Variants in CMIP observed in about 807,000 individuals in gnomAD.
The protein encoded by CMIP is C-Maf-inducing protein.
In CMIP, 13 loss-of-function variants were observed where a neutral mutation model predicts 97.3. The ratio of observed to expected loss-of-function variants is 0.13; its 90% confidence interval spans 0.09 to 0.21. CMIP has a LOEUF of 0.21. CMIP is among the 10% of genes least tolerant of loss of function. CMIP has a pLI of 1.00. For missense variants in CMIP, 847 were observed against 1,024.9 expected (o/e 0.83, Z 2.37); for synonymous variants, 538 against 436.3 (o/e 1.23, Z -2.91).
chr16:81,586,788 A>G (rs1217750490), intron 1 of CMIP, among the ~76,000 whole-genome samples: 1 of 151,968 alleles, frequency 6.6e-6, no homozygotes, highest in Non-Finnish European at 1.5e-5. Context: ...CTGACTCCCC[A>G]CTCAACTGTG....
chr16:81,668,318 G>T (rs1048792464), intron 7 of CMIP, among the ~76,000 whole-genome samples: 1 of 152,114 alleles, frequency 6.6e-6, no homozygotes, highest in African/African-American at 2.4e-5. Context: ...CAGCACCTCC[G>T]CAGCCCTGGC....
rs74910737 is a variant in CMIP, at chr16:81,678,635, GC to G, written c.1388+15del. ...TGGAAATCCTCAAGCTGCTGTGAGT[GC>G]CCCCCCCGCGTGCCCGCCCCCGGGG... On this transcript the variant is annotated splice_region_variant and intron_variant, in intron 10 of 20. Transcript: ENST00000537098. 3,757 of 1,368,622 alleles carry G rather than the reference GC, an allele frequency of 2.7e-3. 78 individuals carry two copies. The African/African-American group carries it at 0.043, about 16-fold the overall frequency. The allele number at this position is 1,368,622 out of a possible 1,614,324, so 84.8% of individuals were successfully genotyped here.
intron 1 of CMIP, among the ~76,000 whole-genome samples, chr16:81,473,820 T>G (rs1907714604): frequency 6.6e-6 from 1 of 151,656 alleles, no homozygotes; most frequent in African/African-American, 2.4e-5. Context: ...GGTTTTTTTT[T>G]TTTTTTTTTT....
chr16:81,521,923 C>G (rs1395729263), intron 1 of CMIP, among the ~76,000 whole-genome samples: 4 of 152,210 alleles, frequency 2.6e-5, no homozygotes, highest in African/African-American at 9.6e-5. Context: ...AGGCCAGTGT[C>G]TGATACAGTG....
At chr16:81,488,568 C>G (rs1239849523) in intron 1 of CMIP, among the ~76,000 whole-genome samples, 1 of 152,150 alleles carries the variant, frequency 6.6e-6, no homozygotes, top group Non-Finnish European at 1.5e-5. Flanking sequence ...ATATGCGTCT[C>G]CTGGGACTGC....
At chr16:81,537,559 A>C (rs1414502153) in intron 1 of CMIP, among the ~76,000 whole-genome samples, 5 of 149,958 alleles carry the variant, frequency 3.3e-5, no homozygotes, top group African/African-American at 7.3e-5. Context: ...AAAAAAAAAA[A>C]AAAAAAAAAA....
At chr16:81,640,713 C>G (rs1165046338) in intron 3 of CMIP, among the ~76,000 whole-genome samples, 2 of 150,634 alleles carry the variant, frequency 1.3e-5, no homozygotes, top group Non-Finnish European at 3.0e-5. Flanking sequence ...GGCTCTGCCT[C>G]CATACGTGGA....
intron 1 of CMIP, among the ~76,000 whole-genome samples, chr16:81,472,098 A>G (rs1907595681): frequency 6.6e-6 from 1 of 152,198 alleles, no homozygotes; most frequent in Non-Finnish European, 1.5e-5. Flanking sequence ...GCACATGCAC[A>G]TGTGCTCTCA....
At chr16:81,670,853 G>T (rs1013465842) in intron 8 of CMIP, among the ~76,000 whole-genome samples, 1 of 152,078 alleles carries the variant, frequency 6.6e-6, no homozygotes, top group Admixed American at 6.5e-5. Context: ...TTTTGAGATG[G>T]AGTCTCGCTC....
chr16:81,515,345 C>G (rs779661738), intron 1 of CMIP, among the ~76,000 whole-genome samples: 2 of 152,188 alleles, frequency 1.3e-5, no homozygotes, highest in Non-Finnish European at 2.9e-5. Context: ...GTTGTGGTCC[C>G]TCACGCTTCT....
intron 1 of CMIP, among the ~76,000 whole-genome samples, chr16:81,553,370 A>C (rs555729624): frequency 6.6e-5 from 10 of 152,250 alleles, no homozygotes; most frequent in Admixed American, 2.0e-4. Flanking sequence ...AAAAGCAACA[A>C]AGTTGAAAGC....
At chr16:81,543,312 T>C (rs1028802199) in intron 1 of CMIP, among the ~76,000 whole-genome samples, 10 of 152,220 alleles carry the variant, frequency 6.6e-5, no homozygotes, top group Non-Finnish European at 1.3e-4. Flanking sequence ...TGTCCAGTGC[T>C]ACACGGCAGC....
intron 1 of CMIP, among the ~76,000 whole-genome samples, chr16:81,477,074 T>C (rs186060040): frequency 2.0e-5 from 3 of 152,206 alleles, no homozygotes; most frequent in Admixed American, 2.0e-4. Flanking sequence ...CACCTGGGCA[T>C]ATGGTTGATG....
At chr16:81,696,300 C>A in intron 13 of CMIP, 1 of 556,714 alleles carries the variant, frequency 1.8e-6, no homozygotes, top group East Asian at 3.1e-5. Context: ...ATCAGCCAAT[C>A]AAGCCGGGGC....
chr16:81,617,906 T>G (rs2091941627), intron 2 of CMIP, among the ~76,000 whole-genome samples: 1 of 152,216 alleles, frequency 6.6e-6, no homozygotes, highest in Non-Finnish European at 1.5e-5. Flanking sequence ...ACAGGGCACT[T>G]TGGCGGGGCC....
chr16:81,457,767 C>A (rs914665423), intron 1 of CMIP, among the ~76,000 whole-genome samples: 2 of 152,218 alleles, frequency 1.3e-5, no homozygotes, highest in African/African-American at 4.8e-5. Flanking sequence ...CTCGTCTCTT[C>A]AGAACTGGCC....
At chr16:81,540,805 C>G (rs373008438) in intron 1 of CMIP, among the ~76,000 whole-genome samples, 2 of 152,202 alleles carry the variant, frequency 1.3e-5, no homozygotes, top group African/African-American at 4.8e-5. Flanking sequence ...CTCAGCCTCC[C>G]GAGTAGCTGG....
At chr16:81,691,134 A>G (rs1051519752) in intron 10 of CMIP, among the ~76,000 whole-genome samples, 3 of 152,182 alleles carry the variant, frequency 2.0e-5, no homozygotes, top group African/African-American at 7.2e-5. Flanking sequence ...ACTGCTATAA[A>G]GTACCATCAA....
intron 1 of CMIP, chr16:81,464,742 T>G (rs775069539): frequency 2.0e-5 from 3 of 152,298 alleles, no homozygotes; most frequent in Non-Finnish European, 2.9e-5. Context: ...CCCTGGTCAC[T>G]GCTGTTCTAC....
Sources: allele counts gnomAD v4.1 joint callset (sites outside exome capture counted in the v4.1 genomes callset), GRCh38; gene constraint gnomAD v4.1.1; transcripts MANE v1.5; gene names NCBI Gene and HGNC (gene_info 2026-07-23, HGNC 2026-07-21).